CPED1: variants seen among roughly 807,000 people sequenced by gnomAD.
CPED1 encodes the protein cadherin-like and PC-esterase domain-containing protein 1.
A neutral mutation model predicts 128.2 loss-of-function variants in CPED1; 114 were observed. The ratio of observed to expected loss-of-function variants is 0.89; its 90% CI spans 0.76 to 1.04. The LOEUF is 1.04. CPED1 is among the 50% of genes least tolerant of loss of function. The pLI, the probability that CPED1 is intolerant of heterozygous loss-of-function variation, is 0.00. For missense variants in CPED1, 1,211 were observed against 1,207.1 expected, an observed-to-expected ratio of 1.00 and a Z score of -0.05; for synonymous variants, 462 against 426.7, an observed-to-expected ratio of 1.08 and a Z score of -1.02.
At chr7:121,053,723 C>G (rs543487291) in intron 4 of CPED1, among the ~76,000 whole-genome samples, 137 of 152,230 alleles carry the variant, frequency 9.0e-4, no homozygotes, top group Non-Finnish European at 1.8e-3. Context: ...TCTCTTATTA[C>G]TTTCATAATT....
intron 2 of CPED1, among the ~76,000 whole-genome samples, chr7:121,009,908 A>C (rs1792117335): frequency 6.6e-6 from 1 of 152,136 alleles, no homozygotes; most frequent in Admixed American, 6.5e-5. Flanking sequence ...ATTTTTTTCC[A>C]CCTAATAGTT....
chr7:121,277,688 A>G (rs1398607520), intron 22 of CPED1, among the ~76,000 whole-genome samples: 2 of 152,122 alleles, frequency 1.3e-5, no homozygotes, highest in South Asian at 2.1e-4. Flanking sequence ...AGCGAATTAA[A>G]TAAGTCTTTG....
At chr7:121,099,262 G>A (rs778647740) in intron 6 of CPED1, among the ~76,000 whole-genome samples, 29 of 151,946 alleles carry the variant, frequency 1.9e-4, no homozygotes, top group Non-Finnish European at 3.7e-4. Context: ...TGTTGCAATG[G>A]TATCATGCAT....
At chr7:121,008,952 T>G (rs1792093955) in intron 2 of CPED1, among the ~76,000 whole-genome samples, 1 of 152,158 alleles carries the variant, frequency 6.6e-6, no homozygotes, top group South Asian at 2.1e-4. Flanking sequence ...ACTGGGTGCT[T>G]TTCTTCAGTA....
chr7:121,106,331 T>A (rs1223373845), intron 7 of CPED1, among the ~76,000 whole-genome samples: 1 of 152,056 alleles, frequency 6.6e-6, no homozygotes, highest in Non-Finnish European at 1.5e-5. Context: ...TAATGCTTTA[T>A]ATAGGTATAC....
intron 5 of CPED1, among the ~76,000 whole-genome samples, chr7:121,097,123 A>G (rs10249736): frequency 0.55 from 82,823 of 151,918 alleles, 23,247 homozygotes; most frequent in East Asian, 0.83. Flanking sequence ...CAATAACTTT[A>G]TTTTTAAGCA....
intron 16 of CPED1, among the ~76,000 whole-genome samples, chr7:121,146,791 C>T (rs1357910242): frequency 6.6e-6 from 1 of 151,578 alleles, no homozygotes; most frequent in East Asian, 1.9e-4. Flanking sequence ...TATAATTGTC[C>T]CAGAGACGGC....
intron 18 of CPED1, among the ~76,000 whole-genome samples, chr7:121,256,135 A>AAAAC (rs1791865446): frequency 4.0e-5 from 6 of 148,978 alleles, no homozygotes; most frequent in African/African-American, 1.0e-4. Context: ...AAAACAAAAA[A>AAAAC]AAAAAACAAA....
intron 4 of CPED1, among the ~76,000 whole-genome samples, chr7:121,048,145 A>G (rs1793263840): frequency 6.6e-6 from 1 of 152,138 alleles, no homozygotes. Flanking sequence ...CTGAAATTTC[A>G]ACAACCATTT....
intron 7 of CPED1, among the ~76,000 whole-genome samples, chr7:121,111,166 C>T (rs940798471): frequency 2.6e-5 from 4 of 152,126 alleles, no homozygotes; most frequent in African/African-American, 4.8e-5. Flanking sequence ...CTGGTTCTTA[C>T]TCATCTACCT....
chr7:121,237,006 GATTA>G (rs1750921063), intron 17 of CPED1, among the ~76,000 whole-genome samples, 175 bp downstream of exon 17: 1 of 152,190 alleles, frequency 6.6e-6, no homozygotes, highest in Non-Finnish European at 1.5e-5. Flanking sequence ...GAAATACTTT[GATTA>G]ATCAATTATT....
chr7:121,218,327 C>T (rs1057334925), intron 16 of CPED1, among the ~76,000 whole-genome samples: 107 of 151,858 alleles, frequency 7.0e-4, no homozygotes, highest in African/African-American at 2.5e-3. Flanking sequence ...CAGGAAATGT[C>T]CACATGGTGC....
In CPED1 at chr7:121,044,648, C is replaced by CTTTTTTTTTTTTTTTTTTTTTTTTT. The variant is rs35159862; in HGVS notation, c.434-2238_434-2237insTTTTTTTTTTTTTTTTTTTTTTTTT. 3.5e-3 allele frequency among the ~76,000 whole-genome samples: 241 copies of CTTTTTTTTTTTTTTTTTTTTTTTTT among 69,472 alleles called. 94 individuals carry two copies. Among genetic ancestry groups the CTTTTTTTTTTTTTTTTTTTTTTTTT allele is most frequent in the East Asian group, 5.8e-3 (12 of 2,062 alleles). The allele number at this position is 69,472 out of a possible 152,430, so 45.6% of individuals were successfully genotyped here. Reference sequence around the variant, plus strand: ...GATTGCTGAGAGCAGTGACTTTCTGCTCTTTTTTTTTTTTTTTTTTTGCTA... The same window carrying CTTTTTTTTTTTTTTTTTTTTTTTTT: ...GATTGCTGAGAGCAGTGACTTTCTGCTTTTTTTTTTTTTTTTTTTTTTTTTTCTTTTTTTTTTTTTTTTTTTGCTA... On this transcript the variant is annotated intron_variant, in intron 3 of 22. Transcript: ENST00000310396.
chr7:121,201,490 G>A (rs887718619), intron 16 of CPED1, among the ~76,000 whole-genome samples: 1 of 150,396 alleles, frequency 6.6e-6, no homozygotes, highest in African/African-American at 2.5e-5. Context: ...GAGACAGAGA[G>A]AGAGAGAGAG....
Position 121,264,159 on chromosome 7 carries a change from G to A in CPED1, c.2311-2068G>A, listed in dbSNP as rs532334965. Among the ~76,000 whole-genome samples, 20 of 152,102 alleles carry A rather than the reference G, an allele frequency of 1.3e-4. No homozygotes were observed. The South Asian group carries it at 4.1e-3, about 32-fold the overall frequency. ...GCCTTGGAAGGAACCAACCCTACTA[G>A]CTACTTGATGTTGGACTTCTAGCCT... is the stretch of plus-strand genomic sequence containing the variant. On this transcript the variant is annotated intron_variant, in intron 18 of 22. Coordinates refer to ENST00000310396, the MANE Select transcript of CPED1 (RefSeq NM_024913.5).
rs115317741 is a variant in CPED1, at chr7:121,027,944, A to T, written c.433+12096A>T. On this transcript the variant is annotated intron_variant, in intron 3 of 22. Coordinates refer to ENST00000310396, the MANE Select transcript of CPED1 (RefSeq NM_024913.5). The stretch of plus-strand genomic sequence containing the variant: ...TCACTAAACAAGCGATTAAGGGATG[A>T]GGAGAGCAGAGGCGACTCTCGGGGA... 4.4e-3 allele frequency among the ~76,000 whole-genome samples: 670 copies of T among 152,164 alleles called. 5 individuals are homozygous for T. Among genetic ancestry groups the T allele is most frequent in the African/African-American group, 0.015 (630 of 41,510 alleles).
intron 4 of CPED1, among the ~76,000 whole-genome samples, chr7:121,057,154 A>G (rs1041412570): frequency 6.6e-6 from 1 of 151,760 alleles, no homozygotes; most frequent in Non-Finnish European, 1.5e-5. Flanking sequence ...ATTTTTTTGT[A>G]TTTTTAGTAG....
At chr7:121,100,391 C>G (rs1794820493) in intron 7 of CPED1, among the ~76,000 whole-genome samples, 1 of 152,082 alleles carries the variant, frequency 6.6e-6, no homozygotes, top group African/African-American at 2.4e-5. Flanking sequence ...CTCTGTTTTT[C>G]TTAATTTTTC....
At chr7:121,143,633 ATT>A (rs1407611038) in intron 16 of CPED1, among the ~76,000 whole-genome samples, 4 of 152,120 alleles carry the variant, frequency 2.6e-5, no homozygotes, top group East Asian at 1.9e-4. Flanking sequence ...GCTTTTGTAT[ATT>A]TGTGTATATT....
Sources: gnomAD v4.1 joint callset for allele counts (sites outside exome capture counted in the v4.1 genomes callset) on GRCh38, gnomAD v4.1.1 for gene constraint, MANE v1.5 for transcripts, NCBI Gene and HGNC (gene_info 2026-07-23, HGNC 2026-07-21) for gene names.